Variants in SBNO1 observed in about 807,000 individuals in gnomAD.
SBNO1 encodes protein strawberry notch homolog 1.
Under a neutral mutation model 173.6 loss-of-function variants are expected in SBNO1, and 23 were observed. The ratio of observed to expected loss-of-function variants is 0.13; its 90% CI spans 0.10 to 0.19. SBNO1 has a LOEUF of 0.19. Among genes scored for constraint, SBNO1 ranks in the 10% least tolerant of loss-of-function variants. SBNO1 has a pLI of 1.00. For missense variants in SBNO1, 1,238 were observed against 1,671.2 expected (o/e 0.74, Z 4.52); for synonymous variants, 632 against 571.5 (o/e 1.11, Z -1.51).
chr12:123,290,042 A>T lies in SBNO1; in HGVS notation c.*5866T>A, dbSNP rs1330940857. On this transcript the variant is annotated 3_prime_UTR_variant, in exon 32 of 32. Coordinates refer to ENST00000602398, the MANE Select transcript of SBNO1 (RefSeq NM_001167856.3). ...GGAGGACGCCTGAATTACAAGTATC[A>T]AAAAGAACCCGCCTTTTTGGGCTTC... 8 of 152,402 alleles carry T rather than the reference A, an allele frequency of 5.2e-5. No individual in the cohort carries two copies. The East Asian group carries it at 1.5e-3, about 29-fold the overall frequency. 9.4% of individuals were successfully genotyped at this position (152,402 alleles called of 1,614,324 possible). A position where few individuals can be genotyped will look rare whatever the true frequency, so the allele number is the denominator to read the frequency against.
In SBNO1 at chr12:123,339,769, A is replaced by T. The variant is rs566661636; in HGVS notation, c.651+1219T>A. On this transcript the variant is annotated intron_variant, in intron 5 of 31. Transcript: ENST00000602398. ...ACCACTACACTCCAGCCTGGTCAAC[A>T]GAGCAAGACTCCATCTCAAAAACAA... Among the ~76,000 whole-genome samples, 3 of 152,218 alleles carry T rather than the reference A, an allele frequency of 2.0e-5. No homozygotes were observed. In the South Asian group the frequency reaches 6.2e-4, roughly 32 times the overall value.
Position 123,313,653 on chromosome 12 carries a change from G to A in SBNO1, c.3187C>T (p.Pro1063Ser). ...AATTCTCCAGGATAGTCTGGAGGTG[G>A]TGATACCATAGGAGAATCCAAGTTT... The part of the protein sequence containing the change: ...IVNLDSPMVS[P>S]PPDYPGEFFK... The change falls in exon 24 of 32, where the codon CCA becomes TCA. Residue 1063 changes from proline to serine, a missense_variant. Transcript: ENST00000602398. 4 of 1,604,316 alleles carry A rather than the reference G, an allele frequency of 2.5e-6. No homozygotes were observed. The highest frequency in any genetic ancestry group is 2.6e-6 in the Non-Finnish European group (3 of 1,171,858).
At position 123,295,903 on chromosome 12, in the gene SBNO1, G is replaced by T. The variant is rs752946874; in HGVS notation, c.*5C>A. 6.8e-6 allele frequency: 11 copies of T among 1,613,166 alleles called. No homozygotes were observed. The highest frequency in any genetic ancestry group is 9.3e-6 in the Non-Finnish European group (11 of 1,179,334). On this transcript the variant is annotated 3_prime_UTR_variant, in exon 32 of 32. Transcript: ENST00000602398. Reference sequence around the variant, plus strand: ...GATCCATCCATGTTGAAACCTGTCTGTTCTTCATGCGTTGCTCAAGTTGGT... The same window carrying T: ...GATCCATCCATGTTGAAACCTGTCTTTTCTTCATGCGTTGCTCAAGTTGGT...
chr12:123,342,883 T>C (rs1872720487), intron 4 of SBNO1, among the ~76,000 whole-genome samples: 1 of 152,180 alleles, frequency 6.6e-6, no homozygotes, highest in Non-Finnish European at 1.5e-5. Flanking sequence ...CAGCATTTCA[T>C]CTATTCTAGC....
At chr12:123,330,339 T>C (rs912622172) in intron 9 of SBNO1, 80 bp downstream of exon 9, 1 of 853,862 alleles carries the variant, frequency 1.2e-6, no homozygotes, top group African/African-American at 1.7e-5. Context: ...TGTCCCCTTA[T>C]ATACATAGCT....
chr12:123,320,323 T>C (rs577682411), intron 19 of SBNO1, 109 bp downstream of exon 19: 4 of 1,104,148 alleles, frequency 3.6e-6, no homozygotes, highest in African/African-American at 3.1e-5. Context: ...AGAACAAGAA[T>C]TCTATGATCT....
intron 15 of SBNO1, among the ~76,000 whole-genome samples, chr12:123,324,232 CAT>C (rs753221170): frequency 6.6e-6 from 1 of 151,416 alleles, no homozygotes; most frequent in South Asian, 2.1e-4. Flanking sequence ...TCAATAGCCA[CAT>C]GTGACAAGCG....
chr12:123,343,275 G>A (rs547167215), intron 4 of SBNO1, among the ~76,000 whole-genome samples: 1 of 152,184 alleles, frequency 6.6e-6, no homozygotes, highest in East Asian at 1.9e-4. Flanking sequence ...ACTAAACAAG[G>A]AAACTAGAAC....
At chr12:123,329,867 CAATA>C (rs1871012300) in intron 9 of SBNO1, among the ~76,000 whole-genome samples, 2 of 152,188 alleles carry the variant, frequency 1.3e-5, no homozygotes, top group South Asian at 4.1e-4. Context: ...CATAGTAAGT[CAATA>C]AAGATTTGCT....
At chr12:123,340,731 G>C (rs527526709) in intron 5 of SBNO1, among the ~76,000 whole-genome samples, 1 of 151,544 alleles carries the variant, frequency 6.6e-6, no homozygotes, top group South Asian at 2.1e-4. Context: ...CTTTTTTTCT[G>C]CTCAGATGAG....
At chr12:123,324,147 C>A (rs1870325662) in intron 15 of SBNO1, among the ~76,000 whole-genome samples, 1 of 152,022 alleles carries the variant, frequency 6.6e-6, no homozygotes, top group Non-Finnish European at 1.5e-5. Context: ...ATGTTATTTT[C>A]TCTTAAGGAG....
At chr12:123,342,743 C>A (rs1872706839) in intron 4 of SBNO1, among the ~76,000 whole-genome samples, 1 of 151,320 alleles carries the variant, frequency 6.6e-6, no homozygotes. Context: ...GGTATCCAGT[C>A]CAGAACCCCT....
At chr12:123,305,941 A>G (rs1025843076) in intron 28 of SBNO1, among the ~76,000 whole-genome samples, 1 of 152,204 alleles carries the variant, frequency 6.6e-6, no homozygotes, top group Non-Finnish European at 1.5e-5. Context: ...AAGGAAAAAG[A>G]AAAGTTTCAA....
At chr12:123,339,076 T>TA (rs1447220171) in intron 5 of SBNO1, among the ~76,000 whole-genome samples, 3 of 152,162 alleles carry the variant, frequency 2.0e-5, no homozygotes, top group Non-Finnish European at 4.4e-5. Flanking sequence ...TATGCATTCT[T>TA]AGTTTCCAAA....
chr12:123,343,537 CTTTTT>C (rs58841947), intron 4 of SBNO1, among the ~76,000 whole-genome samples: 1 of 135,486 alleles, frequency 7.4e-6, no homozygotes, highest in South Asian at 2.4e-4. Flanking sequence ...CACTTACCAT[CTTTTT>C]TTTTTTTTTT....
chr12:123,309,229 G>C, intron 28 of SBNO1, 81 bp downstream of exon 28: 1 of 1,001,686 alleles, frequency 1.0e-6, no homozygotes, highest in Non-Finnish European at 1.6e-6. Context: ...TGGGAAACAG[G>C]TACAAAGTGA....
In SBNO1 at chr12:123,309,347, A is replaced by G; in HGVS notation, c.3593T>C (p.Leu1198Pro). The G allele has an allele frequency of 1.9e-6, 3 of 1,614,184 alleles. No individual in the cohort carries two copies. The highest frequency in any genetic ancestry group is 2.5e-6 in the Non-Finnish European group (3 of 1,180,002). Residue 1198 changes from leucine to proline, a missense_variant, in exon 28 of 32, where the codon CTG becomes CCG. By Grantham distance (98) the Leu-to-Pro change is moderately conservative (BLOSUM62 -3). This residue lies in a region of SBNO1 where 351 missense variants were observed against 420.3 expected (regional missense o/e 0.84). Transcript: ENST00000602398. Reference sequence around the variant, plus strand: ...GTAAAAGCCATCGTCTGGTCCTGTCAGCTCAGCCCAAATCTTGGTAGCTTC... The same window carrying G: ...GTAAAAGCCATCGTCTGGTCCTGTCGGCTCAGCCCAAATCTTGGTAGCTTC... ...WEEATKIWAE[L>P]TGPDDGFYLS...
In SBNO1 at chr12:123,323,844, AAC is replaced by A; in HGVS notation, c.1974-15_1974-14del. 2 of 1,573,240 alleles carry A rather than the reference AAC, an allele frequency of 1.3e-6. No homozygotes were observed. The highest frequency in any genetic ancestry group is 1.7e-6 in the Non-Finnish European group (2 of 1,165,522). ...CTGCAACACACCTCTGTAGGAGAGAAACAGTGACAATTACTGCTTCAGTTGAC... is the reference window on the plus strand; with the variant it reads ...CTGCAACACACCTCTGTAGGAGAGAAAGTGACAATTACTGCTTCAGTTGAC... On this transcript the variant is annotated splice_polypyrimidine_tract_variant and intron_variant, in intron 15 of 31. Coordinates refer to ENST00000602398, the MANE Select transcript of SBNO1 (RefSeq NM_001167856.3).
intron 30 of SBNO1, among the ~76,000 whole-genome samples, chr12:123,299,185 G>A (rs528614367): frequency 5.9e-5 from 9 of 152,248 alleles, no homozygotes; most frequent in South Asian, 2.1e-4. Flanking sequence ...TGGCTAACAC[G>A]GTGAAACCCT....
Sources: allele counts gnomAD v4.1 joint callset (sites outside exome capture counted in the v4.1 genomes callset), GRCh38; gene constraint gnomAD v4.1.1; regional missense constraint gnomAD v4.1.1; transcripts MANE v1.5; gene names NCBI Gene and HGNC (gene_info 2026-07-23, HGNC 2026-07-21).